The following KARS1 variants were observed in gnomAD, a reference collection of about 807,000 sequenced individuals.
KARS1 encodes lysine--tRNA ligase.
A neutral mutation model predicts 63.9 loss-of-function variants in KARS1; 50 were observed. The observed-to-expected ratio is 0.78, with a 90% CI of 0.62 to 0.99. KARS1 has a LOEUF of 0.99. Ranked by LOEUF, KARS1 falls within the 50% of genes least tolerant of loss-of-function variation. KARS1 has a pLI of 0.00. For synonymous variants in KARS1, 320 were observed against 264.6 expected (o/e 1.21, Z -2.03); for missense variants, 816 against 754.5 (o/e 1.08, Z -0.95).
chr16:75,628,033 T>G, intron 13 of KARS1, 40 bp from the exon 14 acceptor site: 1 of 1,220,398 alleles, frequency 8.2e-7, no homozygotes, highest in Non-Finnish European at 1.2e-6. Flanking sequence ...TGAGAAGCAC[T>G]CTCAACATTT....
intron 1 of KARS1, among the ~76,000 whole-genome samples, chr16:75,643,059 T>G (rs2082241830): frequency 6.6e-6 from 1 of 152,222 alleles, no homozygotes; most frequent in Non-Finnish European, 1.5e-5. Context: ...TACTTATCAC[T>G]TGAACCTGAA....
At position 75,636,492 on chromosome 16, in the gene KARS1, T is replaced by G. The variant is rs1162648261; in HGVS notation, c.444A>C (p.Arg148=). 1.9e-6 allele frequency: 3 copies of G among 1,613,572 alleles called. No homozygotes were observed. Among genetic ancestry groups the G allele is most frequent in the African/African-American group, 2.7e-5 (2 of 74,902 alleles). ...TGACTTGCAACTTCACCCCCTCTCC[T>G]CGAAGATCATAGAAGATGAGCTTTC... is the stretch of plus-strand genomic sequence containing the variant. ...SGGKLIFYDL[R]GEGVKLQVMA... The change falls in exon 4 of 14, where the codon CGA becomes CGC. Residue 148 remains arginine, a synonymous_variant. Transcript: ENST00000302445.
At chr16:75,635,079 C>A (rs1216928482) in intron 6 of KARS1, among the ~76,000 whole-genome samples, 3 of 152,218 alleles carry the variant, frequency 2.0e-5, no homozygotes, top group Non-Finnish European at 4.4e-5. Context: ...CTATCTATCT[C>A]ATACAAAGAG....
intron 6 of KARS1, 110 bp downstream of exon 6, chr16:75,635,570 A>T: frequency 1.7e-6 from 2 of 1,204,914 alleles, no homozygotes; most frequent in Non-Finnish European, 2.4e-6. Flanking sequence ...CATTCTCATT[A>T]GGCATGAAGG....
At position 75,627,991 on chromosome 16, in the gene KARS1, T is replaced by C; in HGVS notation, c.1698A>G (p.Glu566=). 1 of 1,578,718 alleles carries C rather than the reference T, an allele frequency of 6.3e-7. No homozygotes were observed. Among genetic ancestry groups the C allele is most frequent in the Non-Finnish European group, 8.7e-7 (1 of 1,147,724 alleles). The part of the protein sequence containing the change: ...MFLTDSNNIK[E]VLLFPAMKPE... ...GTTTCATGGCAGGAAACAGAAGTAC[T>C]TCCTGTGGGAGATAAGAATGTACCT... The change falls in exon 14 of 14, where the codon GAA becomes GAG. Residue 566 remains glutamate (E), a splice_region_variant and synonymous_variant. Transcript: ENST00000302445.
chr16:75,632,160 GATTACAGGC>G (rs1302538058), intron 7 of KARS1, among the ~76,000 whole-genome samples: 3 of 152,100 alleles, frequency 2.0e-5, no homozygotes, highest in Non-Finnish European at 4.4e-5. Flanking sequence ...AAAGTGCTGG[GATTACAGGC>G]ATGAGCCACC....
In KARS1 at chr16:75,635,937, T is replaced by C; in HGVS notation, c.644A>G (p.His215Arg). Residue 215 changes from histidine to arginine, a missense_variant, in exon 5 of 14, where the codon CAT becomes CGT. His to Arg is a conservative substitution (Grantham distance 29). Transcript: ENST00000302445. ...CTTGTCTTTGAGGCCAAAGTGAAGA[T>C]GAGGTAACATATGCAAACAGGGAGA... ...LLSPCLHMLPHLHFGLKDKET... is the reference protein window; with the variant it reads ...LLSPCLHMLPRLHFGLKDKET... 1 of 1,614,144 alleles carries C rather than the reference T, an allele frequency of 6.2e-7. No individual in the cohort carries two copies. Among genetic ancestry groups the C allele is most frequent in the Non-Finnish European group, 8.5e-7 (1 of 1,180,014 alleles).
At chr16:75,645,300 T>C (rs186698640) in intron 1 of KARS1, among the ~76,000 whole-genome samples, 5 of 152,346 alleles carry the variant, frequency 3.3e-5, no homozygotes, top group African/African-American at 1.2e-4. Flanking sequence ...ATACAGAGCA[T>C]GGACTGTGGA....
At position 75,631,725 on chromosome 16, in the gene KARS1, T is replaced by A. The variant is rs1309638846; in HGVS notation, c.1046A>T (p.Asp349Val). ...CATCTTCTCCGTGATTTCCATGAGA[T>A]CGTGATAGTCTGCATAGGCCATGTA... ...EFYMAYADYH[D>V]LMEITEKMVS... The change falls in exon 8 of 14, where the codon GAT (aspartate) becomes GTT (valine). Residue 349 changes from aspartate (D) to valine (V), a missense_variant. By Grantham distance (152) the Asp-to-Val change is radical. Transcript: ENST00000302445. 1.2e-6 allele frequency: 2 copies of A among 1,614,032 alleles called. No individual in the cohort carries two copies. Among genetic ancestry groups the A allele is most frequent in the Non-Finnish European group, 1.7e-6 (2 of 1,180,038 alleles).
chr16:75,634,065 G>T, intron 7 of KARS1, 108 bp downstream of exon 7: 1 of 1,221,248 alleles, frequency 8.2e-7, no homozygotes, highest in Non-Finnish European at 1.2e-6. Flanking sequence ...ACACTTTCTT[G>T]GCTGCTTTAC....
At chr16:75,632,660 C>G (rs2082125735) in intron 7 of KARS1, among the ~76,000 whole-genome samples, 1 of 152,224 alleles carries the variant, frequency 6.6e-6, no homozygotes. Context: ...GGAAAATACA[C>G]TGGGTTCTCC....
Position 75,631,497 on chromosome 16 carries a change from AGGGTGG to A in KARS1, c.1165_1170del (p.Pro389_Pro390del). ...TCTTCTACCATGTTGATTCGCCGGA[AGGGTGG>A]GGTGAAGTCAACATCGTAGGCTTGG... is the stretch of plus-strand genomic sequence containing the variant. On this transcript the variant is annotated inframe_deletion, in exon 9 of 14. Transcript: ENST00000302445. 6.2e-7 allele frequency: 1 copy of A among 1,614,202 alleles called. No homozygotes were observed. The highest frequency in any genetic ancestry group is 8.5e-7 in the Non-Finnish European group (1 of 1,180,032).
rs762460377 is a variant in KARS1 at position 75,644,384 on chromosome 16, G to C, written c.63-2661C>G. The stretch of plus-strand genomic sequence containing the variant: ...GACCCCACTCTGCCCAGGAGGTTTT[G>C]CGCAGGGACCCCCTAACAAGCCTTA... On this transcript the variant is annotated intron_variant, in intron 1 of 13. Coordinates refer to ENST00000302445, the MANE Select transcript of KARS1 (RefSeq NM_005548.3). 5 of 1,612,726 alleles carry C rather than the reference G, an allele frequency of 3.1e-6. No homozygotes were observed. Among genetic ancestry groups the C allele is most frequent in the Non-Finnish European group, 8.5e-7 (1 of 1,179,370 alleles).
intron 1 of KARS1, among the ~76,000 whole-genome samples, chr16:75,643,146 T>G (rs2082242935): frequency 6.6e-6 from 1 of 152,228 alleles, no homozygotes; most frequent in African/African-American, 2.4e-5. Context: ...ATTTGCTATC[T>G]GAAACCAGAA....
chr16:75,642,438 G>A (rs1285442196), intron 1 of KARS1, among the ~76,000 whole-genome samples: 1 of 152,066 alleles, frequency 6.6e-6, no homozygotes, highest in Non-Finnish European at 1.5e-5. Flanking sequence ...CTTTCCTCAA[G>A]TGATCTGCCC....
intron 3 of KARS1, among the ~76,000 whole-genome samples, chr16:75,636,985 C>A (rs2151806687): frequency 6.8e-6 from 1 of 146,210 alleles, no homozygotes; most frequent in African/African-American, 2.6e-5. Context: ...CAAAGCAGTA[C>A]AATCTGATTT....
At chr16:75,637,759 A>G (rs1359100107) in intron 3 of KARS1, among the ~76,000 whole-genome samples, 1 of 149,594 alleles carries the variant, frequency 6.7e-6, no homozygotes, top group Admixed American at 6.8e-5. Context: ...AGCCTGGGCA[A>G]TAAGAGCAAA....
chr16:75,640,672 AGTCACTT>A (rs1318079549), intron 2 of KARS1, among the ~76,000 whole-genome samples: 1 of 152,212 alleles, frequency 6.6e-6, no homozygotes, highest in Non-Finnish European at 1.5e-5. Context: ...TGGTGAGTCG[AGTCACTT>A]ACGTTCTTAA....
rs376381891 is a variant in KARS1 at position 75,629,402 on chromosome 16, T to A, written c.1551+13A>T. 9.3e-6 allele frequency: 15 copies of A among 1,613,614 alleles called. No individual in the cohort carries two copies. The African/African-American group carries it at 1.9e-4, about 20-fold the overall frequency. ...GAGTTGGCACAGCTTCTGCTCACAG[T>A]CCCCTTTCTCACCTTGGCCTGTTCT... is the stretch of plus-strand genomic sequence containing the variant. On this transcript the variant is annotated intron_variant, in intron 12 of 13. Coordinates refer to ENST00000302445, the MANE Select transcript of KARS1 (RefSeq NM_005548.3).
Sources: allele counts gnomAD v4.1 joint callset (sites outside exome capture counted in the v4.1 genomes callset), GRCh38; gene constraint gnomAD v4.1.1; transcripts MANE v1.5; gene names NCBI Gene and HGNC (gene_info 2026-07-23, HGNC 2026-07-21).